Variants in COL17A1 observed in about 807,000 individuals in gnomAD.
COL17A1 encodes the protein collagen alpha-1(XVII) chain.
Under a neutral mutation model 218.4 loss-of-function variants are expected in COL17A1, and 181 were observed. The ratio of observed to expected loss-of-function variants is 0.83; its 90% CI spans 0.73 to 0.94. The LOEUF (loss-of-function observed/expected upper bound fraction) is 0.94. COL17A1 is among the 40% of genes least tolerant of loss of function. COL17A1 has a pLI of 0.00. For synonymous variants in COL17A1, 721 were observed against 731.0 expected (o/e 0.99, Z 0.22); for missense variants, 1,924 against 1,945.9 (o/e 0.99, Z 0.21).
At chr10:104,074,737 G>A (rs1038385248) in intron 5 of COL17A1, among the ~76,000 whole-genome samples, 5 of 152,208 alleles carry the variant, frequency 3.3e-5, no homozygotes, top group African/African-American at 1.2e-4. Context: ...CTTCCCAACA[G>A]CCCAGCAGCT....
intron 36 of COL17A1, among the ~76,000 whole-genome samples, chr10:104,042,138 C>G (rs777219281): frequency 6.6e-6 from 1 of 152,170 alleles, no homozygotes; most frequent in Non-Finnish European, 1.5e-5. Flanking sequence ...AACCCACAGA[C>G]GGTTGTCATT....
intron 35 of COL17A1, among the ~76,000 whole-genome samples, chr10:104,043,073 A>G (rs931709472): frequency 1.3e-5 from 2 of 152,208 alleles, no homozygotes; most frequent in Non-Finnish European, 2.9e-5. Context: ...TTTTCTTCAA[A>G]TAGATACCTA....
intron 48 of COL17A1, 61 bp from the exon 49 acceptor site, chr10:104,035,624 G>T: frequency 7.4e-7 from 1 of 1,345,574 alleles, no homozygotes; most frequent in South Asian, 1.2e-5. Context: ...CTGTCAGAGA[G>T]GAGGTCGGAT....
Position 104,033,352 on chromosome 10 carries a change from C to T in COL17A1, c.4180G>A (p.Ala1394Thr). Residue 1394 changes from alanine (A) to threonine (T), a missense_variant, in exon 53 of 56, where the codon GCC becomes ACC. By Grantham distance (58) the Ala-to-Thr change is moderately conservative. Transcript: ENST00000648076. ...CCTGGTGGGCCCTGGACAGTGTAGGCCATCCCTTGCAGTAGGCCCTGACCT... is the reference window on the plus strand; with the variant it reads ...CCTGGTGGGCCCTGGACAGTGTAGGTCATCCCTTGCAGTAGGCCCTGACCT... Reference protein sequence around the residue: ...MQRQGLLQGMAYTVQGPPGQP... With the variant: ...MQRQGLLQGMTYTVQGPPGQP... The T allele has an allele frequency of 6.2e-7, 1 of 1,610,180 alleles. No homozygotes were observed. Among genetic ancestry groups the T allele is most frequent in the Non-Finnish European group, 8.5e-7 (1 of 1,178,372 alleles).
chr10:104,049,388 C>T (rs1589564395), intron 29 of COL17A1, 21 bp downstream of exon 29: 2 of 1,613,254 alleles, frequency 1.2e-6, no homozygotes, highest in East Asian at 4.5e-5. Flanking sequence ...CTCACTGAAT[C>T]CATTCCTTTG....
chr10:104,080,644 A>G lies in COL17A1; in HGVS notation c.30T>C (p.Asp10=). 1 of 1,613,248 alleles carries G rather than the reference A, an allele frequency of 6.2e-7. No individual in the cohort carries two copies. The change falls in exon 2 of 56, where the codon GAT becomes GAC. Residue 10 remains aspartate (D), a synonymous_variant. Transcript: ENST00000648076. ...TACTTCTCTCAGTGACTTCAGTTCC[A>G]TCTCGTTTGTTTTTCTTGGTTACAT... MDVTKKNKR[D]GTEVTERIVT... is the part of the protein sequence containing the mutation.
At chr10:104,037,853 G>A (rs918682173) in intron 45 of COL17A1, 80 bp from the exon 46 acceptor site, 120 of 1,546,840 alleles carry the variant, frequency 7.8e-5, no homozygotes, top group Non-Finnish European at 1.0e-4. Flanking sequence ...TGAAGCACAT[G>A]ATAACATGCC....
intron 29 of COL17A1, 82 bp downstream of exon 29, chr10:104,049,327 G>T: frequency 1.6e-6 from 2 of 1,279,312 alleles, no homozygotes; most frequent in East Asian, 2.3e-5. Flanking sequence ...AGGAGAGGCA[G>T]CTCTAGAAGA....
chr10:104,036,090 G>GTGTGTGTATA (rs1491467220), intron 48 of COL17A1, among the ~76,000 whole-genome samples: 1 of 2,298 alleles, frequency 4.4e-4, no homozygotes, highest in African/African-American at 1.0e-3. Context: ...GTGTATGGGA[G>GTGTGTGTATA]TGTGTGTGTA....
At chr10:104,049,943 T>G in intron 28 of COL17A1, 146 bp downstream of exon 28, 2 of 1,290,150 alleles carry the variant, frequency 1.6e-6, no homozygotes, top group Non-Finnish European at 2.2e-6. Context: ...CTTTATTTTC[T>G]CATCTTGTGT....
intron 26 of COL17A1, 48 bp downstream of exon 26, chr10:104,050,800 C>T (rs1256850678): frequency 6.2e-6 from 10 of 1,613,988 alleles, no homozygotes; most frequent in Middle Eastern, 1.6e-4. Context: ...GGCTGTGGGT[C>T]GTGTCCATCA....
chr10:104,041,020 A>C, intron 39 of COL17A1, 45 bp downstream of exon 39: 1 of 1,609,910 alleles, frequency 6.2e-7, no homozygotes, highest in Non-Finnish European at 8.5e-7. Context: ...TGGCAGGACA[A>C]GGGCTGAGGT....
chr10:104,063,711 A>G, intron 11 of COL17A1, 36 bp downstream of exon 11: 1 of 1,613,816 alleles, frequency 6.2e-7, no homozygotes, highest in Non-Finnish European at 8.5e-7. Context: ...CTATGCAAAT[A>G]GCCTGGAAAA....
At chr10:104,080,568 T>A in intron 2 of COL17A1, 54 bp downstream of exon 2, 1 of 1,587,936 alleles carries the variant, frequency 6.3e-7, no homozygotes, top group Non-Finnish European at 8.6e-7. Context: ...TGTTTCCAAA[T>A]TTTTATTACT....
chr10:104,074,445 G>A (rs973423832), intron 5 of COL17A1, among the ~76,000 whole-genome samples: 2 of 152,184 alleles, frequency 1.3e-5, no homozygotes, highest in Admixed American at 6.5e-5. Flanking sequence ...ACTTTGCTCT[G>A]GTCAAGGACC....
chr10:104,061,277 A>G, intron 13 of COL17A1, 128 bp downstream of exon 13: 2 of 928,648 alleles, frequency 2.2e-6, no homozygotes, highest in Non-Finnish European at 1.6e-6. Context: ...CAGGCCTAAG[A>G]CCACTCATGG....
chr10:104,072,785 A>T (rs1408500400), intron 7 of COL17A1, among the ~76,000 whole-genome samples: 1 of 152,222 alleles, frequency 6.6e-6, no homozygotes, highest in African/African-American at 2.4e-5. Context: ...CAAAACTGTC[A>T]TGGAGCTGTT....
chr10:104,032,084 G>A lies in COL17A1; in HGVS notation c.*151C>T. On this transcript the variant is annotated 3_prime_UTR_variant, in exon 56 of 56. Transcript: ENST00000648076. ...TGACTGAATTCTATAAGTATATATT[G>A]TTCAGACTAAAACAAATGTTGCTAG... 1.5e-6 allele frequency: 1 copy of A among 688,576 alleles called. No individual in the cohort carries two copies. Among genetic ancestry groups the A allele is most frequent in the South Asian group, 1.6e-5 (1 of 63,670 alleles). The allele number at this position is 688,576 out of a possible 1,614,324, so 42.7% of individuals were successfully genotyped here.
intron 1 of COL17A1, among the ~76,000 whole-genome samples, chr10:104,085,395 T>G (rs1438983423): frequency 1.3e-5 from 2 of 152,204 alleles, no homozygotes; most frequent in Non-Finnish European, 2.9e-5. Context: ...GAAGGAATTA[T>G]AAGCCCGTAT....
Sources: allele counts gnomAD v4.1 joint callset (sites outside exome capture counted in the v4.1 genomes callset), GRCh38; gene constraint gnomAD v4.1.1; transcripts MANE v1.5; gene names NCBI Gene and HGNC (gene_info 2026-07-23, HGNC 2026-07-21).